The following PTER variants were observed in gnomAD, a reference collection of about 807,000 sequenced individuals.
PTER encodes N-acetyltaurine hydrolase.
A neutral mutation model predicts 29.6 loss-of-function variants in PTER; 38 were observed. The ratio of observed to expected loss-of-function variants is 1.28; its 90% CI spans 0.99 to 1.68. The LOEUF (loss-of-function observed/expected upper bound fraction) is 1.68, where lower values mean the gene tolerates loss of function less well. Ranked by LOEUF, PTER falls within the 40% of genes most tolerant of loss-of-function variation. The probability of loss-of-function intolerance (pLI) is 0.00; values close to 1 mark genes in which losing one functional copy is unlikely to be tolerated. For missense variants in PTER, 482 were observed against 427.8 expected, an observed-to-expected ratio of 1.13 and a Z score of -1.12; for synonymous variants, 172 against 154.5, an observed-to-expected ratio of 1.11 and a Z score of -0.84.
chr10:16,482,402 C>G (rs114085497), intron 1 of PTER, among the ~76,000 whole-genome samples: 1 of 152,106 alleles, frequency 6.6e-6, no homozygotes, highest in Admixed American at 6.6e-5. Context: ...CTAGGATATA[C>G]GTGAATAGTT....
intron 1 of PTER, among the ~76,000 whole-genome samples, chr10:16,473,111 A>T (rs1381720904): frequency 1.3e-5 from 2 of 151,692 alleles, no homozygotes; most frequent in African/African-American, 4.8e-5. Context: ...TGGCTCTTTC[A>T]TTCTTTAATT....
intron 2 of PTER, among the ~76,000 whole-genome samples, chr10:16,485,924 T>C (rs957160000): frequency 1.3e-5 from 2 of 152,156 alleles, no homozygotes; most frequent in African/African-American, 4.8e-5. Context: ...GTGAGACCTC[T>C]GCTTCTTTAA....
intron 1 of PTER, among the ~76,000 whole-genome samples, chr10:16,468,594 G>A (rs1273046127): frequency 6.6e-6 from 1 of 152,290 alleles, no homozygotes; most frequent in East Asian, 1.9e-4. Flanking sequence ...TACATACTGT[G>A]TACCAGGCAC....
At chr10:16,445,052 T>G (rs896936491) in intron 1 of PTER, among the ~76,000 whole-genome samples, 1 of 152,308 alleles carries the variant, frequency 6.6e-6, no homozygotes, top group South Asian at 2.1e-4. Context: ...CTCTCTACAT[T>G]AGCGAATTTT....
At chr10:16,506,385 G>A (rs1260517723) in intron 4 of PTER, among the ~76,000 whole-genome samples, 5 of 152,188 alleles carry the variant, frequency 3.3e-5, no homozygotes, top group African/African-American at 9.6e-5. Flanking sequence ...AAGAGCAAAA[G>A]CAGAGACAGA....
At chr10:16,470,826 G>C (rs1300932564) in intron 1 of PTER, among the ~76,000 whole-genome samples, 1 of 151,710 alleles carries the variant, frequency 6.6e-6, no homozygotes, top group Admixed American at 6.6e-5. Context: ...TTCTTTCTAT[G>C]GTTCTATTTT....
downstream of PTER, chr10:16,514,403 A>G: frequency 4.2e-6 from 3 of 720,488 alleles, no homozygotes; most frequent in Non-Finnish European, 7.1e-6. Flanking sequence ...GTAGCATTTG[A>G]TTTCCCCACA....
intron 4 of PTER, 54 bp from the exon 5 acceptor site, chr10:16,510,992 T>C (rs955641745): frequency 3.0e-5 from 46 of 1,516,546 alleles, no homozygotes; most frequent in Non-Finnish European, 4.0e-5. Context: ...GAAAGCATCC[T>C]GAAAAGCGAA....
intron 3 of PTER, among the ~76,000 whole-genome samples, chr10:16,498,276 G>C (rs1836189779): frequency 1.3e-5 from 2 of 152,156 alleles, no homozygotes; most frequent in Admixed American, 1.3e-4. Context: ...AGAAAGAATA[G>C]AATTATTCAT....
At chr10:16,446,580 C>T (rs1447945425) in intron 1 of PTER, among the ~76,000 whole-genome samples, 1 of 151,900 alleles carries the variant, frequency 6.6e-6, no homozygotes, top group African/African-American at 2.4e-5. Context: ...TACATAGTCC[C>T]ATTTGTGTAT....
chr10:16,497,938 A>T (rs35102365), intron 3 of PTER, among the ~76,000 whole-genome samples: 9 of 151,766 alleles, frequency 5.9e-5, no homozygotes, highest in Non-Finnish European at 1.3e-4. Context: ...TTTTTAGCTG[A>T]TGACAATTTA....
At chr10:16,440,489 G>C (rs1226204787) in intron 1 of PTER, among the ~76,000 whole-genome samples, 1 of 152,206 alleles carries the variant, frequency 6.6e-6, no homozygotes, top group East Asian at 1.9e-4. Flanking sequence ...TACCTATTTT[G>C]TCAAAACAAT....
At chr10:16,502,192 G>A (rs539967311) in intron 3 of PTER, among the ~76,000 whole-genome samples, 6 of 152,228 alleles carry the variant, frequency 3.9e-5, no homozygotes, top group African/African-American at 4.8e-5. Context: ...CTCCATTTCC[G>A]TGCTGACTCC....
intron 1 of PTER, among the ~76,000 whole-genome samples, chr10:16,462,302 TGAGAGGTGGTTGGATTGA>T (rs1455004695): frequency 1.3e-5 from 2 of 151,988 alleles, no homozygotes; most frequent in Non-Finnish European, 2.9e-5. Context: ...TAGGACTTTA[TGAGAGGTGGTTGGATTGA>T]GAGAGCAGTG....
intron 1 of PTER, among the ~76,000 whole-genome samples, chr10:16,438,648 C>T (rs1466330536): frequency 1.3e-5 from 2 of 150,028 alleles, no homozygotes. Flanking sequence ...TGGTCTCAGG[C>T]CAGGCGCGGT....
downstream of PTER, among the ~76,000 whole-genome samples, chr10:16,516,792 G>C (rs1312601094): frequency 6.6e-6 from 1 of 152,200 alleles, no homozygotes; most frequent in East Asian, 1.9e-4. Flanking sequence ...GAATGCATTA[G>C]AGTGATTCCA....
Position 16,484,325 on chromosome 10 carries a change from G to A in PTER, c.-48-12G>A. On this transcript the variant is annotated splice_polypyrimidine_tract_variant and intron_variant, in intron 1 of 4. Transcript: ENST00000535784. ...TCTGATTGTAGTTGTTTGTTTGTTTGTTTGTTTTTAGAAAAAAGAAATCCT... is the reference window on the plus strand; with the variant it reads ...TCTGATTGTAGTTGTTTGTTTGTTTATTTGTTTTTAGAAAAAAGAAATCCT... 1 of 1,429,342 alleles carries A rather than the reference G, an allele frequency of 7.0e-7. No homozygotes were observed. Among genetic ancestry groups the A allele is most frequent in the Non-Finnish European group, 9.5e-7 (1 of 1,054,190 alleles). 88.5% of individuals were successfully genotyped at this position (1,429,342 alleles called of 1,614,324 possible). A position where few individuals can be genotyped will look rare whatever the true frequency, so the allele number is the denominator to read the frequency against.
At chr10:16,506,228 G>A (rs1365875417) in intron 4 of PTER, among the ~76,000 whole-genome samples, 1 of 152,144 alleles carries the variant, frequency 6.6e-6, no homozygotes, top group African/African-American at 2.4e-5. Flanking sequence ...AAATGGGTGG[G>A]CCGTGAGGAA....
Position 16,505,161 on chromosome 10 carries a change from G to A in PTER, c.839+1G>A, listed in dbSNP as rs536183597. On this transcript the variant is annotated splice_donor_variant, in intron 4 of 4. Transcript: ENST00000535784. LOFTEE classifies it high-confidence loss of function. Reference sequence around the variant, plus strand: ...CTGATGATAACAAAAGAATTAGAAGGTAAATATGGTAAAGCCTCTCATAGC... The same window carrying A: ...CTGATGATAACAAAAGAATTAGAAGATAAATATGGTAAAGCCTCTCATAGC... The A allele has an allele frequency of 9.3e-6, 15 of 1,613,616 alleles. No homozygotes were observed. In the East Asian group the frequency reaches 3.1e-4, roughly 34 times the overall value.
Sources: gnomAD v4.1 joint callset for allele counts (sites outside exome capture counted in the v4.1 genomes callset) on GRCh38, gnomAD v4.1.1 for gene constraint, MANE v1.5 for transcripts, NCBI Gene and HGNC (gene_info 2026-07-23, HGNC 2026-07-21) for gene names.